Variants in KIAA0825 observed in about 807,000 individuals in gnomAD.
The protein encoded by KIAA0825 is uncharacterized protein KIAA0825.
In KIAA0825, 119 loss-of-function variants were observed where a neutral mutation model predicts 147.6. That is an observed-to-expected ratio of 0.81 (90% CI 0.69 to 0.94). The LOEUF is 0.94. Ranked by LOEUF, KIAA0825 falls within the 40% of genes least tolerant of loss-of-function variation. The probability of loss-of-function intolerance (pLI) is 0.00; values close to 1 mark genes in which losing one functional copy is unlikely to be tolerated. For synonymous variants in KIAA0825, 470 were observed against 518.1 expected, an observed-to-expected ratio of 0.91 and a Z score of 1.26; for missense variants, 1,381 against 1,472.7, an observed-to-expected ratio of 0.94 and a Z score of 1.02.
chr5:94,162,809 C>T (rs1767703203), intron 20 of KIAA0825, among the ~76,000 whole-genome samples: 1 of 152,160 alleles, frequency 6.6e-6, no homozygotes, highest in Non-Finnish European at 1.5e-5. Context: ...GTGTTTTGTA[C>T]ACTGTAATCT....
intron 12 of KIAA0825, among the ~76,000 whole-genome samples, chr5:94,457,450 A>G (rs1020943071): frequency 4.6e-5 from 7 of 152,256 alleles, no homozygotes; most frequent in South Asian, 2.1e-4. Context: ...AACACACTGT[A>G]AAGATGACTT....
intron 2 of KIAA0825, among the ~76,000 whole-genome samples, chr5:94,541,550 C>G (rs952079591): frequency 6.6e-6 from 1 of 152,148 alleles, no homozygotes; most frequent in Non-Finnish European, 1.5e-5. Flanking sequence ...AAAAAAAATT[C>G]TGTGTGTGAA....
At chr5:94,478,937 AG>A (rs1762195769) in intron 6 of KIAA0825, among the ~76,000 whole-genome samples, 1 of 152,172 alleles carries the variant, frequency 6.6e-6, no homozygotes, top group Admixed American at 6.6e-5. Flanking sequence ...GAAAATTAAT[AG>A]TTTATTTTTT....
intron 2 of KIAA0825, among the ~76,000 whole-genome samples, chr5:94,556,321 C>A (rs1776540996): frequency 6.6e-6 from 1 of 152,140 alleles, no homozygotes; most frequent in African/African-American, 2.4e-5. Flanking sequence ...CCTGCCTCGG[C>A]CTCCCAAAGT....
At position 94,319,311 on chromosome 5, in the gene KIAA0825, T is replaced by C. The variant is rs1434880930; in HGVS notation, c.3710+65057A>G. ...TCCTTCCAACTTCTAAATGTTGGAG[T>C]GCCCTAGGCCCCCAGATCTCAATCC... On this transcript the variant is annotated intron_variant, in intron 20 of 20. Coordinates refer to ENST00000682413, the MANE Select transcript of KIAA0825 (RefSeq NM_001145678.3). Among the ~76,000 whole-genome samples, 3 of 151,846 alleles carry C rather than the reference T, an allele frequency of 2.0e-5. No homozygotes were observed. The East Asian group carries it at 5.9e-4, about 30-fold the overall frequency.
intron 1 of KIAA0825, among the ~76,000 whole-genome samples, chr5:94,602,832 T>C (rs1030383670): frequency 3.5e-4 from 43 of 121,842 alleles, no homozygotes; most frequent in Admixed American, 5.6e-4. Flanking sequence ...CGGGTATGCC[T>C]TTTTTTTTTT....
At chr5:94,199,193 G>T (rs1771426580) in intron 20 of KIAA0825, among the ~76,000 whole-genome samples, 1 of 152,122 alleles carries the variant, frequency 6.6e-6, no homozygotes, top group Non-Finnish European at 1.5e-5. Flanking sequence ...TAATCTTTTT[G>T]AATGTCCTGG....
At chr5:94,437,735 C>T (rs1756555816) in intron 14 of KIAA0825, among the ~76,000 whole-genome samples, 1 of 152,154 alleles carries the variant, frequency 6.6e-6, no homozygotes, top group African/African-American at 2.4e-5. Flanking sequence ...TTCTCCATAA[C>T]TCTATCAGTA....
At chr5:94,301,204 C>T (rs1156257805) in intron 20 of KIAA0825, among the ~76,000 whole-genome samples, 3 of 152,122 alleles carry the variant, frequency 2.0e-5, no homozygotes, top group Middle Eastern at 3.4e-3. Flanking sequence ...AGAAAGAAAA[C>T]GTGTGTAAAT....
At chr5:94,291,638 A>C (rs1777898773) in intron 20 of KIAA0825, among the ~76,000 whole-genome samples, 1 of 152,126 alleles carries the variant, frequency 6.6e-6, no homozygotes, top group African/African-American at 2.4e-5. Context: ...GTTTTTTCAA[A>C]TTCTGTGAAG....
intron 15 of KIAA0825, among the ~76,000 whole-genome samples, chr5:94,407,288 T>C (rs1752194432): frequency 6.6e-6 from 1 of 152,184 alleles, no homozygotes; most frequent in South Asian, 2.1e-4. Context: ...GCAAACTGTG[T>C]GTGTGCTGGG....
chr5:94,261,140 A>G (rs936987102), intron 20 of KIAA0825, among the ~76,000 whole-genome samples: 18 of 151,508 alleles, frequency 1.2e-4, no homozygotes, highest in Admixed American at 1.1e-3. Context: ...CCATCTCTAC[A>G]AAAATATTTA....
chr5:94,564,537 AGTGT>A (rs56256662), intron 2 of KIAA0825, among the ~76,000 whole-genome samples: 3,687 of 32,782 alleles, frequency 0.11, 566 homozygotes, highest in East Asian at 0.22. Flanking sequence ...CTTATTTTTG[AGTGT>A]GTGTGTGTGT....
intron 20 of KIAA0825, among the ~76,000 whole-genome samples, chr5:94,188,666 G>A (rs749066392): frequency 2.0e-5 from 3 of 151,940 alleles, no homozygotes; most frequent in Non-Finnish European, 2.9e-5. Flanking sequence ...TTGTTTATTC[G>A]TTCAACAGTT....
At chr5:94,250,691 T>C (rs1159430734) in intron 20 of KIAA0825, among the ~76,000 whole-genome samples, 1 of 152,142 alleles carries the variant, frequency 6.6e-6, no homozygotes, top group Non-Finnish European at 1.5e-5. Context: ...TTTTCATGGC[T>C]CAACTGGTTC....
At chr5:94,158,620 C>T (rs1562287320) in intron 20 of KIAA0825, among the ~76,000 whole-genome samples, 2 of 151,964 alleles carry the variant, frequency 1.3e-5, no homozygotes, top group Admixed American at 1.3e-4. Flanking sequence ...AGGAAGAATC[C>T]CTAGCTAATT....
intron 20 of KIAA0825, among the ~76,000 whole-genome samples, chr5:94,197,380 G>A (rs1208178277): frequency 6.6e-6 from 1 of 152,120 alleles, no homozygotes; most frequent in Non-Finnish European, 1.5e-5. Flanking sequence ...TTTCTCTGAT[G>A]CATAGTTTGG....
chr5:94,524,098 G>A lies in KIAA0825; in HGVS notation c.132C>T (p.Ser44=). Residue 44 remains serine (S), a splice_region_variant and synonymous_variant, in exon 4 of 21, where the codon AGC becomes AGT. Coordinates refer to ENST00000682413, the MANE Select transcript of KIAA0825 (RefSeq NM_001145678.3). ...GTATCTCTTTAATGCAATGTTTTAT[G>A]CTATAAAAAACAGAAGAAAAAGTTA... The part of the protein sequence containing the change: ...IDEKIEQNAA[S]IKHCIKEIQS... 6.3e-7 allele frequency: 1 copy of A among 1,593,604 alleles called. No individual in the cohort carries two copies. Among genetic ancestry groups the A allele is most frequent in the African/African-American group, 1.4e-5 (1 of 73,858 alleles).
At chr5:94,531,940 TGTGA>T (rs796572281) in intron 3 of KIAA0825, among the ~76,000 whole-genome samples, 3 of 152,178 alleles carry the variant, frequency 2.0e-5, no homozygotes, top group African/African-American at 7.2e-5. Flanking sequence ...TGTGTGTGTG[TGTGA>T]GTGTGTGTGT....
Sources: allele counts gnomAD v4.1 joint callset (sites outside exome capture counted in the v4.1 genomes callset), GRCh38; gene constraint gnomAD v4.1.1; transcripts MANE v1.5; gene names NCBI Gene and HGNC (gene_info 2026-07-23, HGNC 2026-07-21).